The following DLG2 variants were observed in gnomAD, a reference collection of about 807,000 sequenced individuals.
The protein encoded by DLG2 is discs large MAGUK scaffold protein 2.
DLG2 carries 45 observed loss-of-function variants against 132.5 expected under a neutral mutation model. The observed-to-expected ratio is 0.34, with a 90% CI of 0.27 to 0.44. The LOEUF (loss-of-function observed/expected upper bound fraction) is 0.44, where lower values mean the gene tolerates loss of function less well. DLG2 is among the 20% of genes least tolerant of loss of function. DLG2 has a pLI of 1.00. For synonymous variants in DLG2, 424 were observed against 419.6 expected (o/e 1.01, Z -0.13); for missense variants, 1,045 against 1,196.9 (o/e 0.87, Z 1.87).
rs573505622 is a variant in DLG2, at chr11:85,093,842, G to C, written c.357+17819C>G. On this transcript the variant is annotated intron_variant, in intron 6 of 27. Coordinates refer to ENST00000376104, the MANE Select transcript of DLG2 (RefSeq NM_001142699.3). ...GCCAAACTATTATCACCCAGGTTTT[G>C]AGGTGTCCATTAATCCAGCCAATTG... Among the ~76,000 whole-genome samples, 6 of 152,292 alleles carry C rather than the reference G, an allele frequency of 3.9e-5. No homozygotes were observed. The East Asian group carries it at 1.2e-3, about 29-fold the overall frequency.
intron 3 of DLG2, among the ~76,000 whole-genome samples, chr11:85,381,977 C>G (rs2085930575): frequency 6.6e-6 from 1 of 151,920 alleles, no homozygotes; most frequent in African/African-American, 2.4e-5. Context: ...GTCATAACAC[C>G]CTGAAAACAA....
chr11:84,393,564 C>T (rs1397234080), intron 7 of DLG2, among the ~76,000 whole-genome samples: 1 of 152,124 alleles, frequency 6.6e-6, no homozygotes, highest in African/African-American at 2.4e-5. Context: ...CTTACCATTA[C>T]ATTGTGAGAT....
intron 14 of DLG2, among the ~76,000 whole-genome samples, chr11:83,962,129 T>C (rs547167457): frequency 6.6e-6 from 1 of 152,176 alleles, no homozygotes; most frequent in South Asian, 2.1e-4. Context: ...ACAACCCATC[T>C]ATCATTCTTT....
intron 6 of DLG2, among the ~76,000 whole-genome samples, chr11:84,665,530 G>A (rs2099698942): frequency 6.6e-6 from 1 of 151,856 alleles, no homozygotes; most frequent in Non-Finnish European, 1.5e-5. Context: ...TTCCCCTTCA[G>A]TCCTTTCTCA....
At chr11:84,994,308 A>G (rs1176967727) in intron 6 of DLG2, among the ~76,000 whole-genome samples, 1 of 152,218 alleles carries the variant, frequency 6.6e-6, no homozygotes, top group African/African-American at 2.4e-5. Context: ...TTTCATCAAA[A>G]CAGAATTGGT....
chr11:84,679,417 GT>G (rs2153704565), intron 6 of DLG2, among the ~76,000 whole-genome samples: 1 of 152,020 alleles, frequency 6.6e-6, no homozygotes, highest in Non-Finnish European at 1.5e-5. Flanking sequence ...CTTTCTCAAA[GT>G]TTTTTAGGGT....
At chr11:85,074,450 C>T (rs752867696) in intron 6 of DLG2, among the ~76,000 whole-genome samples, 3 of 151,808 alleles carry the variant, frequency 2.0e-5, no homozygotes, top group Admixed American at 1.3e-4. Context: ...CCCATCAAGA[C>T]ACAGGCTAGA....
In DLG2 at chr11:83,870,938, A is replaced by G. The variant is rs1229688181; in HGVS notation, c.1565+3482T>C. Among the ~76,000 whole-genome samples the G allele has an allele frequency of 1.3e-4, 20 of 152,162 alleles. 1 individual carries two copies. Among genetic ancestry groups the G allele is most frequent in the African/African-American group, 3.9e-4 (16 of 41,440 alleles). On this transcript the variant is annotated intron_variant, in intron 16 of 27. Coordinates refer to ENST00000376104, the MANE Select transcript of DLG2 (RefSeq NM_001142699.3). ...AGGAAATGTCATTCTAATAGAATGC[A>G]ATGTAAAAGGTACCCCCTGGAGTTG...
intron 4 of DLG2, among the ~76,000 whole-genome samples, chr11:85,207,357 C>T (rs549285276): frequency 4.7e-4 from 71 of 152,210 alleles, no homozygotes; most frequent in Non-Finnish European, 7.9e-4. Context: ...CACATATCAT[C>T]TACAACAAAT....
intron 8 of DLG2, among the ~76,000 whole-genome samples, chr11:84,230,655 C>T (rs1345662940): frequency 6.6e-6 from 1 of 151,954 alleles, no homozygotes; most frequent in East Asian, 1.9e-4. Context: ...TGATCAACTC[C>T]ATATGGAAAG....
intron 3 of DLG2, among the ~76,000 whole-genome samples, chr11:85,548,000 T>C (rs1029676312): frequency 2.1e-4 from 32 of 152,318 alleles, no homozygotes; most frequent in Non-Finnish European, 3.5e-4. Context: ...TTTGTCAAAC[T>C]CATTCTCTGT....
At position 83,827,250 on chromosome 11, in the gene DLG2, G is replaced by C. The variant is rs1036979090; in HGVS notation, c.1722+6364C>G. Among the ~76,000 whole-genome samples the C allele has an allele frequency of 4.0e-4, 61 of 152,244 alleles. 1 individual carries two copies. The highest frequency in any genetic ancestry group is 1.4e-3 in the African/African-American group (60 of 41,498). On this transcript the variant is annotated intron_variant, in intron 17 of 27. Coordinates refer to ENST00000376104, the MANE Select transcript of DLG2 (RefSeq NM_001142699.3). Reference sequence around the variant, plus strand: ...CAGCAGAGATTTAGAAATGTTATTTGAGGTAACAATATAAGGTGACCTTAT... The same window carrying C: ...CAGCAGAGATTTAGAAATGTTATTTCAGGTAACAATATAAGGTGACCTTAT...
intron 21 of DLG2, among the ~76,000 whole-genome samples, chr11:83,524,809 C>A (rs1389846704): frequency 6.6e-6 from 1 of 152,160 alleles, no homozygotes; most frequent in Non-Finnish European, 1.5e-5. Flanking sequence ...CTCTTTTCAT[C>A]TTTTTACACC....
Position 85,554,736 on chromosome 11 carries a change from C to CTCTGGTG in DLG2, c.40+43920_40+43921insCACCAGA, listed in dbSNP as rs60357912. On this transcript the variant is annotated intron_variant, in intron 3 of 27. Transcript: ENST00000376104. ...TGCCCTTCTATGATCGTTTATTGCA[C>CTCTGGTG]CAGAGGTCACAAGATTTGCAACTTC... Among the ~76,000 whole-genome samples, 1,399 of 151,850 alleles carry CTCTGGTG rather than the reference C, an allele frequency of 9.2e-3. 25 individuals are homozygous for CTCTGGTG. Among genetic ancestry groups the CTCTGGTG allele is most frequent in the African/African-American group, 0.03 (1,246 of 41,474 alleles).
chr11:83,930,287 A>C, intron 15 of DLG2, 41 bp downstream of exon 15: 1 of 1,607,622 alleles, frequency 6.2e-7, no homozygotes, highest in East Asian at 2.2e-5. Flanking sequence ...GTGGAAGCAC[A>C]TGCAGTTCGA....
chr11:83,934,982 T>C (rs559510214), intron 14 of DLG2, among the ~76,000 whole-genome samples: 2 of 152,234 alleles, frequency 1.3e-5, no homozygotes, highest in Non-Finnish European at 2.9e-5. Flanking sequence ...TATATGTATA[T>C]GATTTTGAGC....
At chr11:85,628,300 C>T (rs3817087), upstream of DLG2, among the ~76,000 whole-genome samples, 40,516 of 152,256 alleles carry the variant, frequency 0.27, 6,041 homozygotes, top group East Asian at 0.39. Flanking sequence ...TTACAACATT[C>T]GGGCCGCCCC....
At chr11:85,227,846 C>T (rs1018334509) in intron 4 of DLG2, among the ~76,000 whole-genome samples, 1 of 152,012 alleles carries the variant, frequency 6.6e-6, no homozygotes, top group African/African-American at 2.4e-5. Context: ...ACACTCTTCT[C>T]CTATTTATTT....
intron 3 of DLG2, among the ~76,000 whole-genome samples, chr11:85,305,324 G>A (rs1182070281): frequency 6.6e-6 from 1 of 152,122 alleles, no homozygotes; most frequent in Admixed American, 6.5e-5. Flanking sequence ...ATAAAGCAGC[G>A]ATTATAGATT....
Sources: allele counts gnomAD v4.1 joint callset (sites outside exome capture counted in the v4.1 genomes callset), GRCh38; gene constraint gnomAD v4.1.1; transcripts MANE v1.5; gene names NCBI Gene and HGNC (gene_info 2026-07-23, HGNC 2026-07-21).